The following SND1 variants were observed in gnomAD, a reference collection of about 807,000 sequenced individuals.
The protein encoded by SND1 is staphylococcal nuclease domain-containing protein 1.
A neutral mutation model predicts 121.7 loss-of-function variants in SND1; 38 were observed. The observed-to-expected ratio is 0.31, with a 90% confidence interval of 0.24 to 0.41. The LOEUF is 0.41. Ranked by LOEUF, SND1 falls within the 10% of genes least tolerant of loss-of-function variation. SND1 has a pLI of 1.00. For missense variants in SND1, 868 were observed against 1,184.6 expected, an observed-to-expected ratio of 0.73 and a Z score of 3.92; for synonymous variants, 401 against 447.4, an observed-to-expected ratio of 0.90 and a Z score of 1.31.
At chr7:127,860,887 A>C (rs1393462254) in intron 12 of SND1, among the ~76,000 whole-genome samples, 1 of 152,222 alleles carries the variant, frequency 6.6e-6, no homozygotes, top group East Asian at 1.9e-4. Flanking sequence ...ATAAAGACTG[A>C]AGCCCAAAAT....
chr7:127,956,216 C>G (rs1460664618), intron 15 of SND1, among the ~76,000 whole-genome samples: 1 of 152,178 alleles, frequency 6.6e-6, no homozygotes, highest in East Asian at 1.9e-4. Flanking sequence ...GCCAAATGAA[C>G]AGAGATTGTC....
intron 11 of SND1, among the ~76,000 whole-genome samples, chr7:127,834,649 A>G (rs1798832142): frequency 6.6e-6 from 1 of 152,166 alleles, no homozygotes; most frequent in African/African-American, 2.4e-5. Context: ...TGATATTGAT[A>G]CCTGATTTTC....
intron 11 of SND1, among the ~76,000 whole-genome samples, chr7:127,833,929 T>C (rs1020500410): frequency 2.0e-5 from 3 of 152,184 alleles, no homozygotes; most frequent in Admixed American, 1.3e-4. Context: ...TCTAGGTACC[T>C]TATTTAAATG....
At chr7:128,034,977 C>T (rs1373683105) in intron 16 of SND1, among the ~76,000 whole-genome samples, 2 of 152,230 alleles carry the variant, frequency 1.3e-5, no homozygotes, top group Admixed American at 6.5e-5. Context: ...AAGAAGGCTA[C>T]TTACACCCTA....
chr7:128,039,391 G>T (rs1224721256), intron 16 of SND1, among the ~76,000 whole-genome samples: 1 of 152,176 alleles, frequency 6.6e-6, no homozygotes, highest in Non-Finnish European at 1.5e-5. Context: ...ATCCCACGTG[G>T]GTAAGAGCTC....
intron 16 of SND1, among the ~76,000 whole-genome samples, chr7:128,008,301 G>A (rs1459526222): frequency 2.0e-5 from 3 of 152,178 alleles, no homozygotes; most frequent in Non-Finnish European, 2.9e-5. Context: ...ACGTGTGCTA[G>A]AGGAGGAGTA....
At chr7:127,919,472 G>A (rs1800654353) in intron 14 of SND1, among the ~76,000 whole-genome samples, 1 of 152,110 alleles carries the variant, frequency 6.6e-6, no homozygotes, top group Non-Finnish European at 1.5e-5. Flanking sequence ...CTTACCTCTT[G>A]CCTATAGAGA....
chr7:128,029,352 G>A lies in SND1; in HGVS notation c.1779+38296G>A. Reference sequence around the variant, plus strand: ...GTAGGCCGAGGCGTTGGAGTTGCCTGCAACATTGGTCACCATGCATGTGTA... The same window carrying A: ...GTAGGCCGAGGCGTTGGAGTTGCCTACAACATTGGTCACCATGCATGTGTA... On this transcript the variant is annotated intron_variant, in intron 16 of 23. Coordinates refer to ENST00000354725, the MANE Select transcript of SND1 (RefSeq NM_014390.4). The surrounding 1 kb of genome is among the most constrained non-coding windows in gnomAD (Gnocchi z 4.2). 1 of 1,614,186 alleles carries A rather than the reference G, an allele frequency of 6.2e-7. No individual in the cohort carries two copies. The highest frequency in any genetic ancestry group is 8.5e-7 in the Non-Finnish European group (1 of 1,180,036).
chr7:128,026,884 T>C (rs1049663241), intron 16 of SND1, among the ~76,000 whole-genome samples: 2 of 152,210 alleles, frequency 1.3e-5, no homozygotes, highest in African/African-American at 4.8e-5. Context: ...CGGGGTGCTT[T>C]TATTTAAGCT....
intron 11 of SND1, among the ~76,000 whole-genome samples, chr7:127,841,785 G>C (rs1798970727): frequency 6.6e-6 from 1 of 152,146 alleles, no homozygotes; most frequent in South Asian, 2.1e-4. Context: ...CCCCCTGTCT[G>C]AACACATTTC....
chr7:127,690,487 G>C (rs1428073918), intron 2 of SND1, among the ~76,000 whole-genome samples: 1 of 152,216 alleles, frequency 6.6e-6, no homozygotes, highest in Admixed American at 6.5e-5. Flanking sequence ...AGCCACTTAA[G>C]AAATCACACC....
intron 10 of SND1, among the ~76,000 whole-genome samples, chr7:127,775,540 C>T (rs1797603157): frequency 6.6e-6 from 1 of 152,042 alleles, no homozygotes; most frequent in African/African-American, 2.4e-5. Context: ...GCTAGATGGG[C>T]CAATTTCCAA....
intron 11 of SND1, among the ~76,000 whole-genome samples, chr7:127,819,444 A>G (rs1798505772): frequency 6.6e-6 from 1 of 152,200 alleles, no homozygotes; most frequent in African/African-American, 2.4e-5. Flanking sequence ...GAAAGACTCA[A>G]TTTGTCTTCC....
At position 127,778,344 on chromosome 7, in the gene SND1, C is replaced by A. The variant is rs776145624; in HGVS notation, c.1153-29140C>A. ...CAAGTAGCTGGGAGCACTACAGGCG[C>A]GTGCCACCACGCCCAGCTAACTTTT... On this transcript the variant is annotated intron_variant, in intron 10 of 23. Transcript: ENST00000354725. Among the ~76,000 whole-genome samples the A allele has an allele frequency of 3.9e-5, 6 of 152,068 alleles. No individual in the cohort carries two copies. In the East Asian group the frequency reaches 1.2e-3, roughly 29 times the overall value.
chr7:127,863,694 A>T (rs1372227425), intron 12 of SND1, among the ~76,000 whole-genome samples: 1 of 152,214 alleles, frequency 6.6e-6, no homozygotes, highest in African/African-American at 2.4e-5. Flanking sequence ...GCTCACCTTG[A>T]AGAGCAGTGC....
intron 10 of SND1, among the ~76,000 whole-genome samples, chr7:127,789,725 T>G (rs1039723134): frequency 3.3e-5 from 5 of 152,232 alleles, no homozygotes; most frequent in Admixed American, 6.5e-5. Flanking sequence ...GCATGCTGAT[T>G]CATTTGCTGA....
At chr7:127,845,116 A>G (rs923270606) in intron 12 of SND1, among the ~76,000 whole-genome samples, 2 of 152,174 alleles carry the variant, frequency 1.3e-5, no homozygotes, top group African/African-American at 4.8e-5. Context: ...GTTATTTTTC[A>G]TTTCTTTTAA....
intron 15 of SND1, among the ~76,000 whole-genome samples, chr7:127,975,304 A>T (rs1187595030): frequency 6.6e-6 from 1 of 152,026 alleles, no homozygotes; most frequent in East Asian, 1.9e-4. Flanking sequence ...GACACTCAGG[A>T]GAAGCATTAC....
At chr7:128,056,694 C>T (rs941893900) in intron 16 of SND1, among the ~76,000 whole-genome samples, 2 of 152,134 alleles carry the variant, frequency 1.3e-5, no homozygotes, top group African/African-American at 4.8e-5. Context: ...GTACAGTAGT[C>T]CCCCCTTATC....
Sources: allele counts gnomAD v4.1 joint callset (sites outside exome capture counted in the v4.1 genomes callset), GRCh38; gene constraint gnomAD v4.1.1; non-coding constraint Gnocchi (gnomAD v3.1); transcripts MANE v1.5; gene names NCBI Gene and HGNC (gene_info 2026-07-23, HGNC 2026-07-21).